TNKS: variants seen among roughly 807,000 people sequenced by gnomAD.
The protein encoded by TNKS is poly [ADP-ribose] polymerase tankyrase-1.
TNKS carries 72 observed loss-of-function variants against 135.8 expected under a neutral mutation model. The ratio of observed to expected loss-of-function variants is 0.53; its 90% CI spans 0.44 to 0.64. The LOEUF (loss-of-function observed/expected upper bound fraction) is 0.64. Ranked by LOEUF, TNKS falls within the 30% of genes least tolerant of loss-of-function variation. The pLI is 0.00. For synonymous variants in TNKS, 849 were observed against 649.3 expected (o/e 1.31, Z -4.68); for missense variants, 1,769 against 1,674.0 (o/e 1.06, Z -0.99).
chr8:9,740,156 C>A (rs950420350), intron 17 of TNKS, among the ~76,000 whole-genome samples: 1 of 151,572 alleles, frequency 6.6e-6, no homozygotes, highest in Non-Finnish European at 1.5e-5. Context: ...TGCCTTGATG[C>A]CGTATGTCAG....
chr8:9,601,385 TG>T (rs1391444428), intron 2 of TNKS, among the ~76,000 whole-genome samples: 5 of 152,222 alleles, frequency 3.3e-5, no homozygotes, highest in Admixed American at 2.6e-4. Context: ...AAGTACTCTT[TG>T]CTGAGAACCA....
intron 3 of TNKS, among the ~76,000 whole-genome samples, chr8:9,661,359 C>T (rs1801700728): frequency 6.6e-6 from 1 of 152,196 alleles, no homozygotes; most frequent in South Asian, 2.1e-4. Flanking sequence ...GTAACCAAAA[C>T]AGCATGGTAC....
intron 15 of TNKS, among the ~76,000 whole-genome samples, chr8:9,733,960 G>A (rs1240289027): frequency 6.6e-6 from 1 of 151,844 alleles, no homozygotes; most frequent in African/African-American, 2.4e-5. Context: ...GTAGTTATAT[G>A]AAACTAACTA....
chr8:9,595,006 A>T (rs1173551620), intron 2 of TNKS, among the ~76,000 whole-genome samples: 1 of 152,246 alleles, frequency 6.6e-6, no homozygotes, highest in East Asian at 1.9e-4. Flanking sequence ...TTGAAAATTC[A>T]GTGAAGCCTT....
chr8:9,713,083 A>C (rs1804419386), intron 11 of TNKS, among the ~76,000 whole-genome samples: 1 of 152,174 alleles, frequency 6.6e-6, no homozygotes, highest in African/African-American at 2.4e-5. Flanking sequence ...AAAAATTTGG[A>C]TATCACTGCC....
intron 3 of TNKS, among the ~76,000 whole-genome samples, chr8:9,634,806 G>T (rs769431911): frequency 6.7e-6 from 1 of 150,164 alleles, no homozygotes; most frequent in African/African-American, 2.4e-5. Context: ...CCAAAACTTT[G>T]AAAAAAAAAT....
intron 1 of TNKS, among the ~76,000 whole-genome samples, chr8:9,568,885 A>AT (rs530611677): frequency 6.6e-6 from 1 of 152,188 alleles, no homozygotes; most frequent in Non-Finnish European, 1.5e-5. Flanking sequence ...AAATCAGTGA[A>AT]TTTTTTTATA....
At position 9,697,089 on chromosome 8, in the gene TNKS, T is replaced by C. The variant is rs115395411; in HGVS notation, c.1108-7574T>C. On this transcript the variant is annotated intron_variant, in intron 5 of 26. Coordinates refer to ENST00000310430, the MANE Select transcript of TNKS (RefSeq NM_003747.3). ...AATAAAGAAAACAGCATGGCACTGATACAAAAAACAGACACGTAGACTGAT... is the reference window on the plus strand; with the variant it reads ...AATAAAGAAAACAGCATGGCACTGACACAAAAAACAGACACGTAGACTGAT... Among the ~76,000 whole-genome samples the C allele has an allele frequency of 5.5e-3, 831 of 152,150 alleles. 13 individuals are homozygous for C. The highest frequency in any genetic ancestry group is 0.019 in the African/African-American group (789 of 41,534).
intron 17 of TNKS, among the ~76,000 whole-genome samples, chr8:9,745,991 G>C (rs928679998): frequency 6.6e-6 from 1 of 152,264 alleles, no homozygotes; most frequent in East Asian, 1.9e-4. Flanking sequence ...GTTGCATCTT[G>C]GGATCTTTCT....
intron 9 of TNKS, among the ~76,000 whole-genome samples, chr8:9,709,304 A>G (rs546715402): frequency 6.6e-6 from 1 of 152,358 alleles, no homozygotes; most frequent in East Asian, 1.9e-4. Context: ...ACACGGTGTT[A>G]TGCTAGGAGA....
chr8:9,665,214 A>T (rs1443191317), intron 3 of TNKS, among the ~76,000 whole-genome samples: 1 of 152,176 alleles, frequency 6.6e-6, no homozygotes, highest in East Asian at 1.9e-4. Flanking sequence ...CTTCCTGTCA[A>T]ACTAGCTTCA....
intron 2 of TNKS, among the ~76,000 whole-genome samples, chr8:9,581,371 CTT>C (rs1798159262): frequency 6.6e-6 from 1 of 152,198 alleles, no homozygotes; most frequent in South Asian, 2.1e-4. Context: ...CTAACATGAC[CTT>C]TGGATATCCT....
At chr8:9,734,474 A>C (rs374136820) in intron 15 of TNKS, among the ~76,000 whole-genome samples, 2 of 131,834 alleles carry the variant, frequency 1.5e-5, no homozygotes, top group Admixed American at 1.5e-4. Flanking sequence ...GTCTTACTCT[A>C]CTCTCTTCTT....
chr8:9,564,385 AT>A (rs1401136643), intron 1 of TNKS, among the ~76,000 whole-genome samples: 2 of 152,164 alleles, frequency 1.3e-5, no homozygotes, highest in African/African-American at 2.4e-5. Context: ...AAAAAAAAAA[AT>A]CTCAAGCTTA....
chr8:9,610,761 A>G (rs1226884358), intron 2 of TNKS, among the ~76,000 whole-genome samples: 1 of 152,244 alleles, frequency 6.6e-6, no homozygotes, highest in Non-Finnish European at 1.5e-5. Context: ...AAAGCTTGCT[A>G]CATTTTTAGC....
At chr8:9,684,677 A>G (rs1000883028) in intron 5 of TNKS, among the ~76,000 whole-genome samples, 2 of 152,132 alleles carry the variant, frequency 1.3e-5, no homozygotes, top group African/African-American at 2.4e-5. Context: ...GTGCTTTTAA[A>G]ATAACATCTC....
At chr8:9,727,724 T>C (rs1217891669) in intron 13 of TNKS, among the ~76,000 whole-genome samples, 1 of 152,256 alleles carries the variant, frequency 6.6e-6, no homozygotes, top group Non-Finnish European at 1.5e-5. Context: ...CTTGATAACA[T>C]ATACTGGTTG....
chr8:9,655,191 G>C (rs933354719), intron 3 of TNKS, among the ~76,000 whole-genome samples: 1 of 152,172 alleles, frequency 6.6e-6, no homozygotes, highest in African/African-American at 2.4e-5. Flanking sequence ...AGCGAGGCTG[G>C]GGGAGGGGCG....
chr8:9,685,341 C>G (rs1246582253), intron 5 of TNKS, among the ~76,000 whole-genome samples: 1 of 152,140 alleles, frequency 6.6e-6, no homozygotes, highest in Non-Finnish European at 1.5e-5. Flanking sequence ...AATTTACTCA[C>G]TCTCAAATGG....
Sources: gnomAD v4.1 joint callset for allele counts (sites outside exome capture counted in the v4.1 genomes callset) on GRCh38, gnomAD v4.1.1 for gene constraint, MANE v1.5 for transcripts, NCBI Gene and HGNC (gene_info 2026-07-23, HGNC 2026-07-21) for gene names.